Variants in ANO2 observed in about 807,000 individuals in gnomAD.
ANO2 encodes the protein anoctamin-2.
In ANO2, 101 loss-of-function variants were observed where a neutral mutation model predicts 124.2. The ratio of observed to expected loss-of-function variants is 0.81; its 90% CI spans 0.69 to 0.96. The LOEUF (loss-of-function observed/expected upper bound fraction) is 0.96, where lower values mean the gene tolerates loss of function less well. Ranked by LOEUF, ANO2 falls within the 40% of genes least tolerant of loss-of-function variation. The pLI is 0.00. For synonymous variants in ANO2, 486 were observed against 482.5 expected, an observed-to-expected ratio of 1.01 and a Z score of -0.09; for missense variants, 1,293 against 1,274.5, an observed-to-expected ratio of 1.01 and a Z score of -0.22.
intron 10 of ANO2, 65 bp downstream of exon 10, chr12:5,799,442 T>TACAGAG: frequency 7.1e-7 from 1 of 1,400,592 alleles, no homozygotes; most frequent in African/African-American, 1.4e-5. Flanking sequence ...GTCAAAAGGT[T>TACAGAG]TATGATACAT....
At chr12:5,604,692 T>A (rs1334697030) in intron 19 of ANO2, among the ~76,000 whole-genome samples, 1 of 152,114 alleles carries the variant, frequency 6.6e-6, no homozygotes, top group African/African-American at 2.4e-5. Flanking sequence ...CAAATAGTCC[T>A]GTGAATTTAT....
At chr12:5,618,057 A>G (rs796303170) in intron 16 of ANO2, among the ~76,000 whole-genome samples, 1 of 152,342 alleles carries the variant, frequency 6.6e-6, no homozygotes, top group African/African-American at 2.4e-5. Context: ...AAATGTGCTC[A>G]TGAACAGGTT....
intron 23 of ANO2, among the ~76,000 whole-genome samples, chr12:5,570,466 A>G (rs1942039260): frequency 6.6e-6 from 1 of 152,058 alleles, no homozygotes; most frequent in African/African-American, 2.4e-5. Flanking sequence ...GTTTAAAAAA[A>G]AAAAGAAAAG....
intron 14 of ANO2, among the ~76,000 whole-genome samples, chr12:5,672,566 T>A (rs1371794757): frequency 6.6e-6 from 1 of 151,920 alleles, no homozygotes; most frequent in African/African-American, 2.4e-5. Context: ...CTACCTGGTT[T>A]AAGGCAGTCA....
In ANO2 at chr12:5,581,947, T is replaced by C. The variant is rs142169465; in HGVS notation, c.2234-3429A>G. Reference sequence around the variant, plus strand: ...AACAAATAGGAAGTTTTGTTTTATTTGGGGGAGAATAAAACATAAAACCAT... The same window carrying C: ...AACAAATAGGAAGTTTTGTTTTATTCGGGGGAGAATAAAACATAAAACCAT... On this transcript the variant is annotated intron_variant, in intron 20 of 24. Transcript: ENST00000682330. 2.2e-3 allele frequency among the ~76,000 whole-genome samples: 341 copies of C among 152,312 alleles called. 1 individual carries two copies. The highest frequency in any genetic ancestry group is 7.6e-3 in the African/African-American group (318 of 41,572).
chr12:5,806,921 C>A (rs1405816280), intron 8 of ANO2, among the ~76,000 whole-genome samples: 1 of 152,164 alleles, frequency 6.6e-6, no homozygotes, highest in African/African-American at 2.4e-5. Context: ...TCTGACAGTC[C>A]AGGTTAGGGA....
intron 3 of ANO2, among the ~76,000 whole-genome samples, chr12:5,916,764 G>A (rs145008657): frequency 0.011 from 1,612 of 151,042 alleles, 23 homozygotes; most frequent in Middle Eastern, 0.027. Flanking sequence ...CCAGAACGAC[G>A]ATGCCTTGGA....
At position 5,578,495 on chromosome 12, in the gene ANO2, G is replaced by A; in HGVS notation, c.2257C>T (p.Leu753Phe). ...EMIIQFGFVT[L>F]FVASFPLAPV... is the part of the protein sequence containing the mutation. The stretch of plus-strand genomic sequence containing the variant: ...GCCAGGGGAAAGGAGGCCACGAAGA[G>A]GGTGACAAAACCAAACTGGATGACT... Residue 753 changes from leucine to phenylalanine, a missense_variant, in exon 21 of 25, where the codon CTC becomes TTC. Coordinates refer to ENST00000682330, the MANE Select transcript of ANO2 (RefSeq NM_001364791.2). 1 of 1,613,770 alleles carries A rather than the reference G, an allele frequency of 6.2e-7. No homozygotes were observed. Among genetic ancestry groups the A allele is most frequent in the Non-Finnish European group, 8.5e-7 (1 of 1,179,796 alleles).
At chr12:5,695,200 C>G (rs1234202853) in intron 14 of ANO2, among the ~76,000 whole-genome samples, 2 of 152,148 alleles carry the variant, frequency 1.3e-5, no homozygotes, top group Admixed American at 1.3e-4. Context: ...AAGCACCACT[C>G]CTGACTCAAT....
At chr12:5,743,536 C>A (rs906893832) in intron 12 of ANO2, among the ~76,000 whole-genome samples, 1 of 151,554 alleles carries the variant, frequency 6.6e-6, no homozygotes, top group Admixed American at 6.6e-5. Flanking sequence ...TGGCTCAGAA[C>A]AAGTTTATTA....
chr12:5,835,315 C>A (rs1256675712), intron 4 of ANO2, among the ~76,000 whole-genome samples: 2 of 152,146 alleles, frequency 1.3e-5, no homozygotes, highest in African/African-American at 2.4e-5. Flanking sequence ...CTCCATGAAA[C>A]TCAGTTGGGG....
At position 5,832,555 on chromosome 12, in the gene ANO2, C is replaced by G; in HGVS notation, c.682G>C (p.Ala228Pro). ...GGSIAKKFSAALQKLSSHLQP... is the reference protein window; with the variant it reads ...GGSIAKKFSAPLQKLSSHLQP... ...AGGTGCGAGCTCAGCTTCTGCAGAG[C>G]CGCGCTGAACTTCTTTGCAATGCTG... The change falls in exon 5 of 25, where the codon GCT (alanine) becomes CCT (proline). Residue 228 changes from alanine to proline, a missense_variant. Coordinates refer to ENST00000682330, the MANE Select transcript of ANO2 (RefSeq NM_001364791.2). The G allele has an allele frequency of 6.2e-7, 1 of 1,613,876 alleles. No individual in the cohort carries two copies. The highest frequency in any genetic ancestry group is 8.5e-7 in the Non-Finnish European group (1 of 1,179,868).
intron 3 of ANO2, among the ~76,000 whole-genome samples, chr12:5,873,697 T>C (rs188512402): frequency 6.6e-6 from 1 of 152,220 alleles, no homozygotes; most frequent in Non-Finnish European, 1.5e-5. Context: ...TGAAGATGCA[T>C]GGCACCCCGA....
At chr12:5,798,646 G>C (rs1024625538) in intron 10 of ANO2, among the ~76,000 whole-genome samples, 3 of 152,196 alleles carry the variant, frequency 2.0e-5, no homozygotes, top group African/African-American at 7.2e-5. Flanking sequence ...TTTTCCAAAT[G>C]AGCACATTCT....
At chr12:5,593,130 T>C (rs1303528053) in intron 20 of ANO2, among the ~76,000 whole-genome samples, 1 of 152,104 alleles carries the variant, frequency 6.6e-6, no homozygotes, top group African/African-American at 2.4e-5. Flanking sequence ...TCTGTGAGGG[T>C]TTGACAGGAT....
At chr12:5,801,330 G>T (rs559249630) in intron 9 of ANO2, among the ~76,000 whole-genome samples, 1 of 152,288 alleles carries the variant, frequency 6.6e-6, no homozygotes, top group African/African-American at 2.4e-5. Context: ...ACCTCATCTA[G>T]GTATCCATGC....
intron 7 of ANO2, among the ~76,000 whole-genome samples, chr12:5,808,581 T>C (rs1953280866): frequency 6.6e-6 from 1 of 152,168 alleles, no homozygotes; most frequent in African/African-American, 2.4e-5. Context: ...TCGCACTTAC[T>C]TTCTGCCCTG....
chr12:5,875,356 G>T (rs1238316307), intron 3 of ANO2, among the ~76,000 whole-genome samples: 1 of 152,242 alleles, frequency 6.6e-6, no homozygotes, highest in Admixed American at 6.5e-5. Context: ...GATTGCAGGG[G>T]AACGCAAGCT....
intron 10 of ANO2, among the ~76,000 whole-genome samples, chr12:5,782,769 T>C (rs1293991953): frequency 2.0e-5 from 3 of 152,226 alleles, no homozygotes; most frequent in African/African-American, 4.8e-5. Flanking sequence ...TGTAAGCCAC[T>C]GGATTGGCTA....
Sources: allele counts gnomAD v4.1 joint callset (sites outside exome capture counted in the v4.1 genomes callset), GRCh38; gene constraint gnomAD v4.1.1; transcripts MANE v1.5; gene names NCBI Gene and HGNC (gene_info 2026-07-23, HGNC 2026-07-21).